PKHD1L1: variants seen among roughly 807,000 people sequenced by gnomAD.
PKHD1L1 encodes PKHD1 like 1.
PKHD1L1 carries 434 observed loss-of-function variants against 462.9 expected under a neutral mutation model. The observed-to-expected ratio is 0.94, with a 90% CI of 0.87 to 1.02. The LOEUF (loss-of-function observed/expected upper bound fraction) is 1.02. Among genes scored for constraint, PKHD1L1 ranks in the 50% least tolerant of loss-of-function variants. PKHD1L1 has a pLI of 0.00. For synonymous variants in PKHD1L1, 1,781 were observed against 1,750.0 expected (o/e 1.02, Z -0.44); for missense variants, 5,202 against 5,096.1 (o/e 1.02, Z -0.63).
At position 109,408,179 on chromosome 8, in the gene PKHD1L1, A is replaced by C. The variant is rs138117260; in HGVS notation, c.1944A>C (p.Pro648=). 2.5e-6 allele frequency: 4 copies of C among 1,612,472 alleles called. No individual in the cohort carries two copies. Among genetic ancestry groups the C allele is most frequent in the African/African-American group, 1.3e-5 (1 of 74,806 alleles). Residue 648 remains proline (P), a synonymous_variant, in exon 18 of 78, where the codon CCA becomes CCC. Coordinates refer to ENST00000378402, the MANE Select transcript of PKHD1L1 (RefSeq NM_177531.6). ...ATTGGGATGGGATCGCTTCTAAGCC[A>C]CTCACTCTATGGTCATCAGAAGCTG... ...TLNWDGIASK[P]LTLWSSEAEF...
At chr8:109,462,445 A>G (rs1248872976) in intron 48 of PKHD1L1, among the ~76,000 whole-genome samples, 1 of 152,104 alleles carries the variant, frequency 6.6e-6, no homozygotes, top group Non-Finnish European at 1.5e-5. Flanking sequence ...CTACGACCCT[A>G]TGCCTTGCTC....
At chr8:109,521,624 G>C (rs1321259833) in intron 73 of PKHD1L1, among the ~76,000 whole-genome samples, 1 of 151,116 alleles carries the variant, frequency 6.6e-6, no homozygotes, top group Non-Finnish European at 1.5e-5. Flanking sequence ...GAAGGTTTAA[G>C]AGGAAACCCC....
chr8:109,442,591 G>A (rs748714972), intron 35 of PKHD1L1, among the ~76,000 whole-genome samples: 1 of 152,102 alleles, frequency 6.6e-6, no homozygotes, highest in Non-Finnish European at 1.5e-5. Context: ...GTGCCTTTTA[G>A]ATTGTCTGTT....
At chr8:109,501,313 C>G (rs1277862669) in intron 67 of PKHD1L1, among the ~76,000 whole-genome samples, 1 of 152,070 alleles carries the variant, frequency 6.6e-6, no homozygotes, top group Non-Finnish European at 1.5e-5. Context: ...TATGCTCACC[C>G]CTGTACCTAT....
intron 57 of PKHD1L1, among the ~76,000 whole-genome samples, chr8:109,484,495 C>T (rs1818428596): frequency 6.6e-6 from 1 of 151,860 alleles, no homozygotes; most frequent in Non-Finnish European, 1.5e-5. Context: ...ACTGCCATGG[C>T]AAAGAGTAGC....
Position 109,532,672 on chromosome 8 carries a change from AAGTT to A in PKHD1L1, c.*2584_*2587del, listed in dbSNP as rs137988517. Among the ~76,000 whole-genome samples the A allele has an allele frequency of 2.2e-3, 334 of 152,324 alleles. 1 individual carries two copies. Among genetic ancestry groups the A allele is most frequent in the African/African-American group, 6.9e-3 (287 of 41,574 alleles). On this transcript the variant is annotated 3_prime_UTR_variant, in exon 78 of 78. Coordinates refer to ENST00000378402, the MANE Select transcript of PKHD1L1 (RefSeq NM_177531.6). ...GTCAAAGTAAGAAACAGAGAATAAAAAGTTAATAAGAATAGCTTCTTGTATTTCT... is the reference window on the plus strand; with the variant it reads ...GTCAAAGTAAGAAACAGAGAATAAAAAATAAGAATAGCTTCTTGTATTTCT...
intron 38 of PKHD1L1, among the ~76,000 whole-genome samples, chr8:109,447,239 AC>A (rs1449651901): frequency 6.6e-6 from 1 of 152,166 alleles, no homozygotes; most frequent in Non-Finnish European, 1.5e-5. Context: ...AAACAAACAA[AC>A]AAACAAACAA....
intron 38 of PKHD1L1, 34 bp downstream of exon 38, chr8:109,445,679 A>C (rs544813243): frequency 6.7e-7 from 1 of 1,500,604 alleles, no homozygotes; most frequent in East Asian, 2.3e-5. Flanking sequence ...TCTTGATATT[A>C]TAGTATCGAT....
chr8:109,459,876 T>C, intron 47 of PKHD1L1, 40 bp downstream of exon 47: 3 of 1,544,094 alleles, frequency 1.9e-6, no homozygotes, highest in South Asian at 1.3e-5. Flanking sequence ...AATCATGCCA[T>C]ATAGTTTTAC....
chr8:109,444,876 A>G lies in PKHD1L1; in HGVS notation c.5007A>G (p.Gly1669=), dbSNP rs1298953382. Residue 1669 remains glycine (G), a synonymous_variant, in exon 38 of 78, where the codon GGA becomes GGG. Transcript: ENST00000378402. ...TTGACCTGGTGTTGCCAAATGCAGG[A>G]TCAACTACAGGAATGACAAGCGTGA... is the stretch of plus-strand genomic sequence containing the variant. The part of the protein sequence containing the change: ...PNIDLVLPNA[G]STTGMTSVTI... 1 of 1,614,016 alleles carries G rather than the reference A, an allele frequency of 6.2e-7. No individual in the cohort carries two copies.
At chr8:109,493,637 ATT>A in intron 62 of PKHD1L1, 22 bp from the exon 63 acceptor site, 1 of 1,393,916 alleles carries the variant, frequency 7.2e-7, no homozygotes, top group Non-Finnish European at 9.9e-7. Context: ...GATGCACAGT[ATT>A]TTTTTTTAAT....
chr8:109,400,457 T>C (rs1383747270), intron 13 of PKHD1L1, 113 bp downstream of exon 13: 4 of 1,250,950 alleles, frequency 3.2e-6, no homozygotes, highest in South Asian at 1.6e-5. Flanking sequence ...TGAGAAATGA[T>C]GTCATGTGGT....
chr8:109,438,868 G>A, intron 31 of PKHD1L1, 29 bp from the exon 32 acceptor site: 2 of 1,480,824 alleles, frequency 1.4e-6, no homozygotes, highest in Non-Finnish European at 1.8e-6. Context: ...TGAACTTTTT[G>A]CATTATTTTT....
In PKHD1L1 at chr8:109,412,404, C is replaced by T; in HGVS notation, c.2225C>T (p.Pro742Leu). The stretch of plus-strand genomic sequence containing the variant: ...CCATATGGAGATATTTTATTGTTTC[C>T]TTATAATCAGGTAAGCTCAACAAAA... ...RRPYGDILLF[P>L]YNQLCLAYKG... Residue 742 changes from proline (P) to leucine (L), a missense_variant, in exon 20 of 78, where the codon CCT (proline) becomes CTT (leucine). By Grantham distance (98) the Pro-to-Leu change is moderately conservative (BLOSUM62 -3). Transcript: ENST00000378402. 6.2e-7 allele frequency: 1 copy of T among 1,610,018 alleles called. No individual in the cohort carries two copies. The highest frequency in any genetic ancestry group is 8.5e-7 in the Non-Finnish European group (1 of 1,177,866).
At chr8:109,429,884 G>A in intron 26 of PKHD1L1, 48 bp from the exon 27 acceptor site, 1 of 1,233,440 alleles carries the variant, frequency 8.1e-7, no homozygotes, top group Non-Finnish European at 1.2e-6. Context: ...ATATTCTACT[G>A]CTGCCTCTTT....
At chr8:109,472,451 A>C (rs1449919718) in intron 50 of PKHD1L1, among the ~76,000 whole-genome samples, 1 of 152,130 alleles carries the variant, frequency 6.6e-6, no homozygotes, top group Non-Finnish European at 1.5e-5. Context: ...CTGAATTTAT[A>C]ACATTTTAGC....
Position 109,510,681 on chromosome 8 carries a change from C to A in PKHD1L1, c.11396-96C>A. ...ATGCTGAACTTGCATTTGAACTTGACCACTGCAATTTATTTTTAATACAAT... is the reference window on the plus strand; with the variant it reads ...ATGCTGAACTTGCATTTGAACTTGAACACTGCAATTTATTTTTAATACAAT... On this transcript the variant is annotated intron_variant, in intron 70 of 77. Transcript: ENST00000378402. The A allele has an allele frequency of 2.8e-6, 4 of 1,415,894 alleles. No individual in the cohort carries two copies. The South Asian group carries it at 4.4e-5, about 16-fold the overall frequency. 87.7% of individuals were successfully genotyped at this position (1,415,894 alleles called of 1,614,324 possible).
In PKHD1L1 at chr8:109,443,847, A is replaced by G. The variant is rs759644228; in HGVS notation, c.4736A>G (p.Asn1579Ser). The G allele has an allele frequency of 4.3e-6, 7 of 1,613,770 alleles. No individual in the cohort carries two copies. The East Asian group carries it at 1.1e-4, about 26-fold the overall frequency. Residue 1579 changes from asparagine (N) to serine (S), a missense_variant, in exon 37 of 78, where the codon AAT becomes AGT. This residue lies in a region of PKHD1L1 where 4,497 missense variants were observed against 4,336.8 expected (regional missense o/e 1.04). Transcript: ENST00000378402. ...ATTACTCCGTCCACTGGAACAGTAA[A>G]TGAACTAATAACAATTATTGGACAT... ...SNITPSTGTV[N>S]ELITIIGHGF...
At chr8:109,493,174 C>T (rs1352357873) in intron 62 of PKHD1L1, among the ~76,000 whole-genome samples, 1 of 147,296 alleles carries the variant, frequency 6.8e-6, no homozygotes, top group Non-Finnish European at 1.5e-5. Context: ...TCTCTCTCTC[C>T]ATATATATAT....
Sources: gnomAD v4.1 joint callset for allele counts (sites outside exome capture counted in the v4.1 genomes callset) on GRCh38, gnomAD v4.1.1 for gene constraint, gnomAD v4.1.1 regional missense constraint, MANE v1.5 for transcripts, NCBI Gene and HGNC (gene_info 2026-07-23, HGNC 2026-07-21) for gene names.